PPP2R2D: variants seen among roughly 807,000 people sequenced by gnomAD.
The protein encoded by PPP2R2D is serine/threonine-protein phosphatase 2A 55 kDa regulatory subunit B delta isoform.
Under a neutral mutation model 31.1 loss-of-function variants are expected in PPP2R2D, and 9 were observed. That is an observed-to-expected ratio of 0.29 (90% CI 0.17 to 0.51). The LOEUF (loss-of-function observed/expected upper bound fraction) is 0.51, where lower values mean the gene tolerates loss of function less well. Among genes scored for constraint, PPP2R2D ranks in the 20% least tolerant of loss-of-function variants. PPP2R2D has a pLI of 0.98. For synonymous variants in PPP2R2D, 179 were observed against 172.6 expected (o/e 1.04, Z -0.29); for missense variants, 391 against 465.6 (o/e 0.84, Z 1.48).
chr10:131,971,292 G>A, the PPP2R2D span: 5 of 346,634 alleles, frequency 1.4e-5, no homozygotes, highest in East Asian at 6.7e-5. Flanking sequence ...GGGAAGTCAC[G>A]TGACATGAGG....
At chr10:131,926,933 A>C (rs187813695) in intron 2 of PPP2R2D, among the ~76,000 whole-genome samples, 214 of 152,302 alleles carry the variant, frequency 1.4e-3, no homozygotes, top group Admixed American at 2.5e-3. Flanking sequence ...GAACTTGCCG[A>C]GTCAGGGTAG....
At chr10:131,930,584 T>C (rs1189883779) in intron 2 of PPP2R2D, among the ~76,000 whole-genome samples, 4 of 152,250 alleles carry the variant, frequency 2.6e-5, no homozygotes, top group African/African-American at 4.8e-5. Flanking sequence ...TCTCCCAGAA[T>C]TTTGAGGGTA....
At chr10:131,949,404 C>T (rs1414886213) in intron 8 of PPP2R2D, among the ~76,000 whole-genome samples, 1 of 152,170 alleles carries the variant, frequency 6.6e-6, no homozygotes, top group Non-Finnish European at 1.5e-5. Context: ...TGGCAAACTC[C>T]GTGAGAACAC....
intron 2 of PPP2R2D, among the ~76,000 whole-genome samples, chr10:131,918,023 T>C (rs1262152244): frequency 7.0e-6 from 1 of 143,882 alleles, no homozygotes; most frequent in African/African-American, 2.6e-5. Flanking sequence ...TGACACAGTG[T>C]AGGGACCTCA....
chr10:131,932,318 C>G (rs2119819665), intron 2 of PPP2R2D, among the ~76,000 whole-genome samples: 1 of 152,222 alleles, frequency 6.6e-6, no homozygotes, highest in East Asian at 1.9e-4. Flanking sequence ...TGGGCAGAAG[C>G]ACTCCCCTAC....
At chr10:131,926,418 G>A (rs945211585) in intron 2 of PPP2R2D, among the ~76,000 whole-genome samples, 2 of 152,140 alleles carry the variant, frequency 1.3e-5, no homozygotes, top group Admixed American at 6.5e-5. Context: ...TGGCTCACGC[G>A]TGTAATTCAG....
chr10:131,935,163 C>T (rs1361044298), intron 3 of PPP2R2D, among the ~76,000 whole-genome samples: 1 of 152,178 alleles, frequency 6.6e-6, no homozygotes, highest in Non-Finnish European at 1.5e-5. Context: ...CTTGCCAGCC[C>T]CCTCCCTCTT....
intron 2 of PPP2R2D, among the ~76,000 whole-genome samples, chr10:131,909,204 C>T (rs2035644467): frequency 6.6e-6 from 1 of 152,164 alleles, no homozygotes; most frequent in African/African-American, 2.4e-5. Context: ...GCATGGTCCT[C>T]TGGCAGAAAA....
rs766586991 is a variant in PPP2R2D at position 131,947,620 on chromosome 10, G to A, written c.911G>A (p.Arg304Gln). Residue 304 changes from arginine (R) to glutamine (Q), a missense_variant, in exon 8 of 9, where the codon CGG becomes CAG. Around this residue, in one of 3 missense-constraint regions of PPP2R2D, gnomAD observed 123 missense variants for 187.7 expected, o/e 0.66. Transcript: ENST00000455566. The surrounding 1 kb of genome is among the most constrained non-coding windows in gnomAD (Gnocchi z 4.3). ...ISDVKFSHSG[R>Q]YMMTRDYLSV... is the part of the protein sequence containing the mutation. The stretch of plus-strand genomic sequence containing the variant: ...GATGTAAAATTCAGTCATAGTGGGC[G>A]GTACATGATGACCAGAGACTACCTG... 2.6e-5 allele frequency: 42 copies of A among 1,614,064 alleles called. No individual in the cohort carries two copies. Among genetic ancestry groups the A allele is most frequent in the Admixed American group, 3.3e-5 (2 of 60,010 alleles).
At chr10:131,915,324 C>T (rs2035758754) in intron 2 of PPP2R2D, among the ~76,000 whole-genome samples, 1 of 152,134 alleles carries the variant, frequency 6.6e-6, no homozygotes, top group Non-Finnish European at 1.5e-5. Flanking sequence ...CAGCTTTGCT[C>T]CCGTCCTTTG....
At chr10:131,915,296 G>A (rs1408661579) in intron 2 of PPP2R2D, among the ~76,000 whole-genome samples, 1 of 152,128 alleles carries the variant, frequency 6.6e-6, no homozygotes, top group Non-Finnish European at 1.5e-5. Context: ...GCTTTCGTAG[G>A]CATTGAAGGC....
the PPP2R2D span, chr10:131,970,962 T>C: frequency 6.2e-7 from 1 of 1,613,688 alleles, no homozygotes; most frequent in Non-Finnish European, 8.5e-7. The surrounding 1 kb of genome is among the most constrained non-coding windows in gnomAD (Gnocchi z 4.1). Flanking sequence ...CAATATCATC[T>C]TCCTCAGACT....
intron 2 of PPP2R2D, 59 bp from the exon 3 acceptor site, chr10:131,934,399 G>T (rs1554896139): frequency 2.8e-6 from 2 of 721,796 alleles, no homozygotes; most frequent in Admixed American, 2.2e-5. Flanking sequence ...TAATTTTTTG[G>T]TATTGTGACT....
chr10:131,929,980 G>A (rs541499332), intron 2 of PPP2R2D, among the ~76,000 whole-genome samples: 3 of 152,234 alleles, frequency 2.0e-5, no homozygotes, highest in African/African-American at 7.2e-5. Context: ...CCAACCTCCT[G>A]TATGGCAACC....
intron 2 of PPP2R2D, among the ~76,000 whole-genome samples, chr10:131,917,851 T>C (rs2035848811): frequency 1.7e-5 from 2 of 116,938 alleles, no homozygotes; most frequent in African/African-American, 6.8e-5. Context: ...ACAGTGTTTG[T>C]AGGGACCTCA....
rs1554898275 is a variant in PPP2R2D, at chr10:131,947,906, T to G, written c.1082+115T>G. On this transcript the variant is annotated intron_variant, in intron 8 of 8. Coordinates refer to ENST00000455566, the MANE Select transcript of PPP2R2D (RefSeq NM_018461.5). This position sits in a 1 kb window ranked among gnomAD's most constrained non-coding sequence, Gnocchi z 4.3. ...GTCAGAGGAGGACGCTCATAGGGTG[T>G]TGTTTTCCAGACCTTTTGATTGATG... The G allele has an allele frequency of 3.0e-6, 4 of 1,345,044 alleles. No homozygotes were observed. The highest frequency in any genetic ancestry group is 4.1e-6 in the Non-Finnish European group (4 of 982,186). 83.3% of individuals were successfully genotyped at this position (1,345,044 alleles called of 1,614,324 possible).
chr10:131,907,310 A>G (rs1226206828), intron 2 of PPP2R2D, among the ~76,000 whole-genome samples: 4 of 152,272 alleles, frequency 2.6e-5, no homozygotes, highest in Admixed American at 6.5e-5. Context: ...TATCTGTGCC[A>G]TTGAAGAGAA....
At position 131,945,434 on chromosome 10, in the gene PPP2R2D, G is replaced by A. The variant is rs782630478; in HGVS notation, c.795G>A (p.Ser265=). The A allele has an allele frequency of 2.0e-5, 32 of 1,613,232 alleles. No homozygotes were observed. The highest frequency in any genetic ancestry group is 1.7e-4 in the Middle Eastern group (1 of 6,058). ...GTIRLCDMRS[S]ALCDRHSKFF... The stretch of plus-strand genomic sequence containing the variant: ...TCCGCCTGTGTGACATGCGCTCCTC[G>A]GCCCTGTGCGACAGACACTCCAAGT... Residue 265 remains serine, a synonymous_variant, in exon 7 of 9, where the codon TCG becomes TCA. Coordinates refer to ENST00000455566, the MANE Select transcript of PPP2R2D (RefSeq NM_018461.5). This position sits in a 1 kb window ranked among gnomAD's most constrained non-coding sequence, Gnocchi z 4.8.
At chr10:131,904,578 T>C (rs983283051) in intron 2 of PPP2R2D, among the ~76,000 whole-genome samples, 33 of 152,310 alleles carry the variant, frequency 2.2e-4, no homozygotes, top group African/African-American at 7.9e-4. Flanking sequence ...GCTGTAGAAC[T>C]TAAGGTATAG....
Sources: gnomAD v4.1 joint callset for allele counts (sites outside exome capture counted in the v4.1 genomes callset) on GRCh38, gnomAD v4.1.1 for gene constraint, gnomAD v4.1.1 regional missense constraint, Gnocchi (gnomAD v3.1) non-coding constraint, MANE v1.5 for transcripts, NCBI Gene and HGNC (gene_info 2026-07-23, HGNC 2026-07-21) for gene names.